COL25A1: variants seen among roughly 807,000 people sequenced by gnomAD.
COL25A1 encodes collagen alpha-1(XXV) chain.
Under a neutral mutation model 128.4 loss-of-function variants are expected in COL25A1, and 103 were observed. The observed-to-expected ratio is 0.80, with a 90% confidence interval of 0.68 to 0.94. The LOEUF (loss-of-function observed/expected upper bound fraction) is 0.94, where lower values mean the gene tolerates loss of function less well. Ranked by LOEUF, COL25A1 falls within the 40% of genes least tolerant of loss-of-function variation. COL25A1 has a pLI of 0.00. For missense variants in COL25A1, 745 were observed against 840.0 expected (o/e 0.89, Z 1.40); for synonymous variants, 279 against 277.2 (o/e 1.01, Z -0.06).
intron 29 of COL25A1, 110 bp from the exon 30 acceptor site, chr4:108,844,679 G>T: frequency 1.8e-6 from 2 of 1,124,968 alleles, no homozygotes; most frequent in Non-Finnish European, 1.2e-6. Context: ...TGGAGAGGAA[G>T]AAAGATACTA....
chr4:109,267,977 A>G (rs544060862), intron 3 of COL25A1, among the ~76,000 whole-genome samples: 1 of 152,200 alleles, frequency 6.6e-6, no homozygotes, highest in Non-Finnish European at 1.5e-5. Flanking sequence ...ATTACAAAAA[A>G]AAATTTGCAT....
intron 24 of COL25A1, among the ~76,000 whole-genome samples, chr4:108,856,531 T>C (rs2125782735): frequency 6.6e-6 from 1 of 152,316 alleles, no homozygotes; most frequent in South Asian, 2.1e-4. Flanking sequence ...CTTCTCAATC[T>C]AATGTATTAA....
intron 6 of COL25A1, among the ~76,000 whole-genome samples, chr4:108,998,346 G>A (rs1387829756): frequency 6.6e-6 from 1 of 152,110 alleles, no homozygotes; most frequent in Non-Finnish European, 1.5e-5. Flanking sequence ...GCCAAATCAT[G>A]AGTGAACTCC....
chr4:109,138,059 C>G (rs939886590), intron 3 of COL25A1, among the ~76,000 whole-genome samples: 23 of 150,340 alleles, frequency 1.5e-4, no homozygotes, highest in Non-Finnish European at 3.3e-4. Context: ...CATAGGTATA[C>G]ACGTACCATG....
At chr4:109,281,537 C>T (rs1723393424) in intron 3 of COL25A1, among the ~76,000 whole-genome samples, 1 of 151,966 alleles carries the variant, frequency 6.6e-6, no homozygotes, top group African/African-American at 2.4e-5. Flanking sequence ...TTAACTTCTA[C>T]TAGCACTCCA....
At chr4:108,899,492 C>T (rs889419246) in intron 14 of COL25A1, among the ~76,000 whole-genome samples, 1 of 152,102 alleles carries the variant, frequency 6.6e-6, no homozygotes, top group Non-Finnish European at 1.5e-5. Flanking sequence ...AATTCAATAT[C>T]TTGAGAGGCT....
chr4:109,025,843 A>G (rs1758213295), intron 5 of COL25A1, among the ~76,000 whole-genome samples: 1 of 152,184 alleles, frequency 6.6e-6, no homozygotes, highest in Admixed American at 6.5e-5. Context: ...ACCATTTTGC[A>G]GTTGAACAAA....
intron 13 of COL25A1, among the ~76,000 whole-genome samples, chr4:108,905,482 A>G (rs999231642): frequency 2.0e-5 from 3 of 151,676 alleles, no homozygotes; most frequent in Non-Finnish European, 4.4e-5. Context: ...AACCTGCACA[A>G]TGTGCACATG....
intron 3 of COL25A1, among the ~76,000 whole-genome samples, chr4:109,292,637 T>C (rs541494497): frequency 4.8e-4 from 73 of 152,112 alleles, no homozygotes; most frequent in African/African-American, 1.7e-3. Context: ...AGTATATCTA[T>C]GGGGGTTTGG....
At chr4:108,954,611 G>A (rs1749836984) in intron 8 of COL25A1, among the ~76,000 whole-genome samples, 1 of 151,866 alleles carries the variant, frequency 6.6e-6, no homozygotes, top group Admixed American at 6.6e-5. Context: ...TATGCCTTAG[G>A]TGCAATTTTG....
In COL25A1 at chr4:109,041,079, T is replaced by C. The variant is rs147531308; in HGVS notation, c.420+7089A>G. ...AAAATTAAACTTTATCCTGAAACTA[T>C]TGGGAATATAAAACCAGACACATAA... On this transcript the variant is annotated intron_variant, in intron 5 of 37. Transcript: ENST00000399132. 2.5e-3 allele frequency among the ~76,000 whole-genome samples: 373 copies of C among 152,184 alleles called. 2 individuals are homozygous for C. The highest frequency in any genetic ancestry group is 8.3e-3 in the African/African-American group (345 of 41,548).
At chr4:109,017,078 G>A (rs1757290289) in intron 5 of COL25A1, among the ~76,000 whole-genome samples, 2 of 152,226 alleles carry the variant, frequency 1.3e-5, no homozygotes, top group Non-Finnish European at 2.9e-5. Flanking sequence ...GTGATTTCTG[G>A]TGTCTCCAAG....
At chr4:108,848,052 G>T (rs969222669) in intron 27 of COL25A1, among the ~76,000 whole-genome samples, 2 of 152,102 alleles carry the variant, frequency 1.3e-5, no homozygotes, top group African/African-American at 4.8e-5. Flanking sequence ...TAGAGCAGGG[G>T]TCGCCAAACC....
In COL25A1 at chr4:108,832,379, C is replaced by A. The variant is rs376733604; in HGVS notation, c.1710+1G>T. ...GCTTAATAACCTCAGCAACAACTTA[C>A]TCTTTCTCCTTTGGGACCTGCAGGG... On this transcript the variant is annotated splice_donor_variant, in intron 32 of 37. Transcript: ENST00000399132. LOFTEE classifies it high-confidence loss of function. 1.9e-6 allele frequency: 3 copies of A among 1,608,442 alleles called. No individual in the cohort carries two copies. Among genetic ancestry groups the A allele is most frequent in the Non-Finnish European group, 2.5e-6 (3 of 1,176,490 alleles).
intron 8 of COL25A1, among the ~76,000 whole-genome samples, chr4:108,952,677 C>G (rs1457248532): frequency 6.6e-6 from 1 of 152,074 alleles, no homozygotes; most frequent in African/African-American, 2.4e-5. Context: ...CTCATCTCAA[C>G]TTGAATATAT....
rs183026728 is a variant in COL25A1 at position 108,996,043 on chromosome 4, G to C, written c.438+14315C>G. Among the ~76,000 whole-genome samples, 4 of 152,232 alleles carry C rather than the reference G, an allele frequency of 2.6e-5. No homozygotes were observed. In the East Asian group the frequency reaches 7.7e-4, roughly 29 times the overall value. On this transcript the variant is annotated intron_variant, in intron 6 of 37. Coordinates refer to ENST00000399132, the MANE Select transcript of COL25A1 (RefSeq NM_198721.4). The stretch of plus-strand genomic sequence containing the variant: ...CAAACTGTAAAGACCATCGATGCTA[G>C]GAAGAAACTGCATCAACTAACGGGC...
At chr4:109,065,545 C>CGCGCGTGTGTGT (rs771855567) in intron 3 of COL25A1, among the ~76,000 whole-genome samples, 3 of 141,132 alleles carry the variant, frequency 2.1e-5, no homozygotes, top group African/African-American at 8.0e-5. Flanking sequence ...CGCGCGCGCG[C>CGCGCGTGTGTGT]GTGTGTGTGT....
chr4:108,835,859 G>GTTTTTTT, intron 31 of COL25A1, among the ~76,000 whole-genome samples: 1 of 89,520 alleles, frequency 1.1e-5, no homozygotes, highest in Non-Finnish European at 2.1e-5. Context: ...GCTTACATAC[G>GTTTTTTT]TCTTTTTTTT....
chr4:108,896,650 G>A lies in COL25A1; in HGVS notation c.906+17C>T. ...CTTGCTCACATATGTACCCTTTCAT[G>A]TCTTACAAAACTGTACCTTTTCGCC... On this transcript the variant is annotated intron_variant, in intron 16 of 37. Coordinates refer to ENST00000399132, the MANE Select transcript of COL25A1 (RefSeq NM_198721.4). 2 of 1,611,974 alleles carry A rather than the reference G, an allele frequency of 1.2e-6. No individual in the cohort carries two copies. Among genetic ancestry groups the A allele is most frequent in the Non-Finnish European group, 1.7e-6 (2 of 1,178,208 alleles).
Sources: allele counts gnomAD v4.1 joint callset (sites outside exome capture counted in the v4.1 genomes callset), GRCh38; gene constraint gnomAD v4.1.1; transcripts MANE v1.5; gene names NCBI Gene and HGNC (gene_info 2026-07-23, HGNC 2026-07-21).